The following SBF2 variants were observed in gnomAD, a reference collection of about 807,000 sequenced individuals.
SBF2 encodes the protein myotubularin-related protein 13.
A neutral mutation model predicts 225.2 loss-of-function variants in SBF2; 112 were observed. The ratio of observed to expected loss-of-function variants is 0.50; its 90% CI spans 0.43 to 0.58. SBF2 has a LOEUF of 0.58. SBF2 is among the 20% of genes least tolerant of loss of function. SBF2 has a pLI of 0.00. For synonymous variants in SBF2, 763 were observed against 773.3 expected, an observed-to-expected ratio of 0.99 and a Z score of 0.22; for missense variants, 1,996 against 2,206.2, an observed-to-expected ratio of 0.90 and a Z score of 1.91.
intron 16 of SBF2, among the ~76,000 whole-genome samples, chr11:9,900,708 CTTTA>C (rs1861654519): frequency 6.6e-6 from 1 of 152,126 alleles, no homozygotes; most frequent in Non-Finnish European, 1.5e-5. Flanking sequence ...GGCACTGAAA[CTTTA>C]TTTATAACAA....
intron 17 of SBF2, among the ~76,000 whole-genome samples, chr11:9,878,341 G>A (rs182558773): frequency 8.0e-4 from 122 of 152,216 alleles, no homozygotes; most frequent in African/African-American, 2.8e-3. Context: ...CATTCCGTAG[G>A]TTGCCTGTTC....
intron 29 of SBF2, 116 bp downstream of exon 29, chr11:9,816,724 C>G: frequency 1.1e-6 from 1 of 869,656 alleles, no homozygotes; most frequent in Non-Finnish European, 1.7e-6. Context: ...ATTATTAACT[C>G]CAGGTTAAGA....
At chr11:9,837,060 C>T (rs1287114390) in intron 26 of SBF2, among the ~76,000 whole-genome samples, 1 of 152,082 alleles carries the variant, frequency 6.6e-6, no homozygotes, top group Non-Finnish European at 1.5e-5. Flanking sequence ...TCTTTCTTTT[C>T]AATTTTTATA....
intron 16 of SBF2, among the ~76,000 whole-genome samples, chr11:9,897,788 T>C (rs1037134017): frequency 2.0e-5 from 3 of 152,214 alleles, no homozygotes; most frequent in Admixed American, 6.5e-5. Context: ...ATTCCTCCAC[T>C]TTCCAGACTA....
intron 1 of SBF2, among the ~76,000 whole-genome samples, chr11:10,240,163 C>A (rs1220773853): frequency 1.3e-5 from 2 of 151,626 alleles, no homozygotes; most frequent in Non-Finnish European, 2.9e-5. Context: ...AAAACCTTAT[C>A]TCAGGAGATG....
chr11:10,181,054 G>A (rs1017604103), intron 2 of SBF2, among the ~76,000 whole-genome samples: 4 of 152,026 alleles, frequency 2.6e-5, no homozygotes, highest in Non-Finnish European at 5.9e-5. Flanking sequence ...ACACTCTTCT[G>A]ATTTTAATGT....
intron 1 of SBF2, among the ~76,000 whole-genome samples, chr11:10,277,888 A>G (rs1246152986): frequency 2.0e-5 from 3 of 152,176 alleles, no homozygotes; most frequent in Non-Finnish European, 4.4e-5. Flanking sequence ...TTAACTTCAG[A>G]CTTCTAGTCT....
intron 6 of SBF2, among the ~76,000 whole-genome samples, chr11:10,026,764 A>G (rs1306814263): frequency 6.6e-6 from 1 of 152,038 alleles, no homozygotes; most frequent in African/African-American, 2.4e-5. Flanking sequence ...GTTAATTTCC[A>G]AAAGTTTATG....
chr11:10,163,448 A>G (rs959468657), intron 2 of SBF2, among the ~76,000 whole-genome samples: 3 of 152,140 alleles, frequency 2.0e-5, no homozygotes, highest in Non-Finnish European at 2.9e-5. Context: ...TTTATACTGA[A>G]ACCACAGCAT....
chr11:10,040,801 G>A (rs376408111), intron 3 of SBF2, among the ~76,000 whole-genome samples: 1 of 151,556 alleles, frequency 6.6e-6, no homozygotes, highest in Non-Finnish European at 1.5e-5. Flanking sequence ...GAGGAAAGAA[G>A]GGTAGGGAAG....
intron 2 of SBF2, among the ~76,000 whole-genome samples, chr11:10,178,645 T>A (rs1956581931): frequency 1.4e-5 from 2 of 145,314 alleles, no homozygotes; most frequent in African/African-American, 5.1e-5. Context: ...CACAATGAGA[T>A]ACCATCTCAC....
intron 2 of SBF2, among the ~76,000 whole-genome samples, chr11:10,086,276 G>A (rs979153017): frequency 1.3e-5 from 2 of 150,994 alleles, no homozygotes; most frequent in African/African-American, 4.8e-5. Context: ...TGTGCAATCA[G>A]TGATTGATGG....
chr11:9,917,721 C>T (rs1485823759), intron 16 of SBF2, among the ~76,000 whole-genome samples: 1 of 151,176 alleles, frequency 6.6e-6, no homozygotes, highest in Non-Finnish European at 1.5e-5. Flanking sequence ...TGGTACGTGC[C>T]TTCCTGAGGT....
At chr11:9,911,517 T>G (rs1490931062) in intron 16 of SBF2, among the ~76,000 whole-genome samples, 1 of 152,178 alleles carries the variant, frequency 6.6e-6, no homozygotes, top group African/African-American at 2.4e-5. Context: ...ATTAAAAATT[T>G]TGTAAAGCAA....
Position 10,133,493 on chromosome 11 carries a change from C to T in SBF2, c.141+60409G>A, listed in dbSNP as rs1195991536. The stretch of plus-strand genomic sequence containing the variant: ...CCCAGCGAGAAATCGAACGCAGTGC[C>T]GGTGGGCCAGCACTGCTGGGGGACT... On this transcript the variant is annotated intron_variant, in intron 2 of 39. Coordinates refer to ENST00000256190, the MANE Select transcript of SBF2 (RefSeq NM_030962.4). 8.7e-5 allele frequency among the ~76,000 whole-genome samples: 12 copies of T among 137,536 alleles called. 1 individual carries two copies. Among genetic ancestry groups the T allele is most frequent in the East Asian group, 2.2e-4 (1 of 4,460 alleles). The allele number at this position is 137,536 out of a possible 152,430, so 90.2% of individuals were successfully genotyped here. A position where few individuals can be genotyped will look rare whatever the true frequency, so the allele number is the denominator to read the frequency against.
At chr11:10,068,790 A>T (rs1950733415) in intron 2 of SBF2, among the ~76,000 whole-genome samples, 1 of 152,192 alleles carries the variant, frequency 6.6e-6, no homozygotes, top group South Asian at 2.1e-4. Context: ...ACTTGAATCA[A>T]TTCACAGCAT....
intron 2 of SBF2, among the ~76,000 whole-genome samples, chr11:10,184,871 C>T (rs1469188191): frequency 6.6e-6 from 1 of 152,120 alleles, no homozygotes; most frequent in East Asian, 1.9e-4. Context: ...GGACTACAGG[C>T]GCCCACCACC....
At chr11:10,298,564 GA>G (rs1964568953), upstream of SBF2, among the ~76,000 whole-genome samples, 1 of 152,214 alleles carries the variant, frequency 6.6e-6, no homozygotes, top group African/African-American at 2.4e-5. Context: ...GGCAGTATGA[GA>G]GTCAGACTTG....
chr11:10,232,032 T>G (rs997794738), intron 1 of SBF2, among the ~76,000 whole-genome samples: 5 of 152,038 alleles, frequency 3.3e-5, no homozygotes, highest in African/African-American at 1.2e-4. Flanking sequence ...CCAGCCTCAC[T>G]GCCGCCTTGC....
Sources: allele counts gnomAD v4.1 joint callset (sites outside exome capture counted in the v4.1 genomes callset), GRCh38; gene constraint gnomAD v4.1.1; transcripts MANE v1.5; gene names NCBI Gene and HGNC (gene_info 2026-07-23, HGNC 2026-07-21).